Variants in CAMK2B observed in about 807,000 individuals in gnomAD.
CAMK2B encodes calcium/calmodulin dependent protein kinase II beta, also known as calcium/calmodulin-dependent protein kinase type II subunit beta.
A neutral mutation model predicts 93.7 loss-of-function variants in CAMK2B; 27 were observed. That is an observed-to-expected ratio of 0.29 (90% confidence interval 0.21 to 0.40). The LOEUF (loss-of-function observed/expected upper bound fraction) is 0.40. Ranked by LOEUF, CAMK2B falls within the 10% of genes least tolerant of loss-of-function variation. The pLI is 1.00. For missense variants in CAMK2B, 568 were observed against 895.8 expected, an observed-to-expected ratio of 0.63 and a Z score of 4.67; for synonymous variants, 374 against 358.8, an observed-to-expected ratio of 1.04 and a Z score of -0.48.
intron 16 of CAMK2B, 31 bp downstream of exon 16, chr7:44,232,791 G>A: frequency 6.2e-7 from 1 of 1,610,500 alleles, no homozygotes; most frequent in Admixed American, 1.7e-5. Context: ...TCCTGCCTGG[G>A]GAAAGCGGGA....
Position 44,242,266 on chromosome 7 carries a change from A to T in CAMK2B, c.771T>A (p.Pro257=). 1 of 1,614,066 alleles carries T rather than the reference A, an allele frequency of 6.2e-7. No homozygotes were observed. Among genetic ancestry groups the T allele is most frequent in the South Asian group, 1.1e-5 (1 of 91,070 alleles). Residue 257 remains proline (P), a synonymous_variant, in exon 10 of 24, where the codon CCT becomes CCA. Transcript: ENST00000395749. ...NLINQMLTIN[P]AKRITAHEAL... is the part of the protein sequence containing the mutation. ...CCTCATGGGCTGTGATGCGCTTGGC[A>T]GGGTTGATGGTCAGCATCTGGTTGA...
At chr7:44,276,314 C>G (rs752911897) in intron 2 of CAMK2B, among the ~76,000 whole-genome samples, 36 of 152,154 alleles carry the variant, frequency 2.4e-4, no homozygotes, top group Non-Finnish European at 5.0e-4. Context: ...CGGATTCTGC[C>G]GACCAGGCAC....
chr7:44,320,679 T>C (rs556784253), intron 1 of CAMK2B, among the ~76,000 whole-genome samples: 1 of 152,346 alleles, frequency 6.6e-6, no homozygotes, highest in South Asian at 2.1e-4. Flanking sequence ...TAAACTAGCA[T>C]CACCTTAATG....
rs140807220 is a variant in CAMK2B, at chr7:44,245,967, AAGGAAGGAAAGGG to A, written c.414+1140_414+1152del. ...TTGAAGAAGGAGGAAAGGAGATTGG[AAGGAAGGAAAGGG>A]AGGAAGGAAGGGAGAGAGGAAGGAG... On this transcript the variant is annotated intron_variant, in intron 6 of 23. Coordinates refer to ENST00000395749, the MANE Select transcript of CAMK2B (RefSeq NM_001220.5). 2.3e-4 allele frequency among the ~76,000 whole-genome samples: 35 copies of A among 152,110 alleles called. No individual in the cohort carries two copies. The East Asian group carries it at 6.4e-3, about 28-fold the overall frequency.
intron 1 of CAMK2B, among the ~76,000 whole-genome samples, chr7:44,307,112 A>AGAG (rs200224236): frequency 1.5e-5 from 1 of 65,644 alleles, no homozygotes; most frequent in Admixed American, 1.6e-4. Flanking sequence ...GGGTGTGAGC[A>AGAG]GGAGGAGGGT....
At position 44,218,218 on chromosome 7, in the gene CAMK2B, C is replaced by T. The variant is rs1200218571; in HGVS notation, c.*1307G>A. On this transcript the variant is annotated 3_prime_UTR_variant, in exon 24 of 24. Coordinates refer to ENST00000395749, the MANE Select transcript of CAMK2B (RefSeq NM_001220.5). ...TGGCTCCCACTGTAGCTTTTGCTCC[C>T]TTCTGCTCCCGGCCCAGATTCCAAA... The T allele has an allele frequency of 6.5e-6, 1 of 153,188 alleles. No homozygotes were observed. The highest frequency in any genetic ancestry group is 1.5e-5 in the Non-Finnish European group (1 of 68,836). The allele number at this position is 153,188 out of a possible 1,614,324, so 9.5% of individuals were successfully genotyped here.
intron 19 of CAMK2B, 75 bp downstream of exon 19, chr7:44,228,721 G>A (rs2096546017): frequency 2.2e-6 from 3 of 1,352,814 alleles, no homozygotes; most frequent in African/African-American, 3.0e-5. Context: ...ATGCAGGTGG[G>A]AAGCTGCTGA....
chr7:44,233,687 C>T (rs1191557426), intron 15 of CAMK2B, among the ~76,000 whole-genome samples: 2 of 152,140 alleles, frequency 1.3e-5, no homozygotes, highest in Non-Finnish European at 2.9e-5. Context: ...CTATAGGGTT[C>T]ACCTGTAGGA....
intron 5 of CAMK2B, among the ~76,000 whole-genome samples, chr7:44,247,741 A>G (rs898040453): frequency 2.2e-4 from 34 of 152,172 alleles, no homozygotes; most frequent in African/African-American, 7.2e-4. Flanking sequence ...TAAAAAGTGA[A>G]ACCTGCCTGG....
rs574904980 is a variant in CAMK2B, at chr7:44,263,616, C to T, written c.161-552G>A. Among the ~76,000 whole-genome samples, 5 of 152,238 alleles carry T rather than the reference C, an allele frequency of 3.3e-5. No individual in the cohort carries two copies. In the East Asian group the frequency reaches 9.7e-4, roughly 30 times the overall value. Reference sequence around the variant, plus strand: ...CGCTCTCCTCCCACCCCACAAGGTGCGGGGCCCAGATCCCCGGACACCGGA... The same window carrying T: ...CGCTCTCCTCCCACCCCACAAGGTGTGGGGCCCAGATCCCCGGACACCGGA... On this transcript the variant is annotated intron_variant, in intron 2 of 23. Transcript: ENST00000395749.
intron 1 of CAMK2B, 65 bp from the exon 2 acceptor site, chr7:44,284,290 C>G: frequency 8.7e-7 from 1 of 1,153,048 alleles, no homozygotes; most frequent in Admixed American, 1.9e-5. Flanking sequence ...GAGAGAGAGC[C>G]GATTAATCTC....
chr7:44,325,306 T>TTCCGGCCCTCTGGGGTC, intron 1 of CAMK2B, 51 bp downstream of exon 1: 3 of 1,088,246 alleles, frequency 2.8e-6, no homozygotes, highest in Non-Finnish European at 3.5e-6. Flanking sequence ...GTCCCGGAGG[T>TTCCGGCCCTCTGGGGTC]CCCGGCCCTC....
Position 44,240,728 on chromosome 7 carries a change from G to A in CAMK2B, c.925C>T (p.Leu309=). Residue 309 remains leucine (L), a synonymous_variant, in exon 12 of 24, where the codon CTG becomes TTG. Transcript: ENST00000395749. ...TCACCTGAGAAATTCCGTGTGGCCA[G>A]CATGGTGGTGAGGATGGCTCCCTGG... ...KLKGAILTTM[L]ATRNFSVGRQ... The A allele has an allele frequency of 1.2e-6, 2 of 1,614,010 alleles. No homozygotes were observed. The highest frequency in any genetic ancestry group is 1.7e-6 in the Non-Finnish European group (2 of 1,179,958).
chr7:44,299,431 T>C (rs931544201), intron 1 of CAMK2B, among the ~76,000 whole-genome samples: 1 of 152,132 alleles, frequency 6.6e-6, no homozygotes, highest in Admixed American at 6.5e-5. Flanking sequence ...TTGGGGAAGA[T>C]GAAAAAATTT....
intron 1 of CAMK2B, among the ~76,000 whole-genome samples, chr7:44,306,056 T>G (rs962350585): frequency 1.3e-5 from 2 of 151,100 alleles, no homozygotes; most frequent in Non-Finnish European, 3.0e-5. Flanking sequence ...GGGAGGGGGG[T>G]TGAGGGTCAG....
intron 1 of CAMK2B, among the ~76,000 whole-genome samples, chr7:44,298,862 AT>A (rs139120980): frequency 0.056 from 8,556 of 152,186 alleles, 807 homozygotes; most frequent in African/African-American, 0.19. Flanking sequence ...ACTATTATAA[AT>A]TTTTTTTAAT....
intron 1 of CAMK2B, among the ~76,000 whole-genome samples, chr7:44,306,820 T>G (rs1184938109): frequency 1.6e-4 from 13 of 80,470 alleles, no homozygotes; most frequent in South Asian, 4.4e-4. Flanking sequence ...AGGGCAGGGG[T>G]AGGAGAGTGT....
chr7:44,247,114 A>T lies in CAMK2B; in HGVS notation c.414+6T>A. The T allele has an allele frequency of 6.2e-7, 1 of 1,610,950 alleles. No homozygotes were observed. The highest frequency in any genetic ancestry group is 2.2e-5 in the East Asian group (1 of 44,850). ...ACACCTGGCACAGAGTGGGGTGGGG[A>T]CTCACCTTGAGGTCTCTGTGGACGA... On this transcript the variant is annotated splice_donor_region_variant and intron_variant, in intron 6 of 23. Transcript: ENST00000395749.
chr7:44,297,376 T>C (rs922540950), intron 1 of CAMK2B, among the ~76,000 whole-genome samples: 2 of 151,566 alleles, frequency 1.3e-5, no homozygotes, highest in Admixed American at 6.6e-5. Context: ...TGGAATTATA[T>C]AAAATGCTCA....
Sources: allele counts gnomAD v4.1 joint callset (sites outside exome capture counted in the v4.1 genomes callset), GRCh38; gene constraint gnomAD v4.1.1; transcripts MANE v1.5; gene names NCBI Gene and HGNC (gene_info 2026-07-23, HGNC 2026-07-21).